The following C10orf71 variants were observed in gnomAD, a reference collection of about 807,000 sequenced individuals.
The protein encoded by C10orf71 is chromosome 10 open reading frame 71, also known as cardiac-enriched FHL2-interacting protein.
For missense variants in C10orf71, 1,869 were observed against 1,804.5 expected, an observed-to-expected ratio of 1.04 and a Z score of -0.65; for synonymous variants, 758 against 726.3, an observed-to-expected ratio of 1.04 and a Z score of -0.70.
At position 49,326,093 on chromosome 10, in the gene C10orf71, G is replaced by A. The variant is rs1849236037; in HGVS notation, c.3548G>A (p.Arg1183Gln). The change falls in exon 3 of 3, where the codon CGG becomes CAG. Residue 1183 changes from arginine (R) to glutamine (Q), a missense_variant. By Grantham distance (43) the Arg-to-Gln change is conservative. Coordinates refer to ENST00000374144, the MANE Select transcript of C10orf71 (RefSeq NM_001135196.2). ...VPPKTEKALRRAKKLASKRRK... is the reference protein window; with the variant it reads ...VPPKTEKALRQAKKLASKRRK... ...CCCAAAACAGAGAAAGCCCTGCGGC[G>A]GGCAAAGAAGCTGGCAAGTAAGAGG... 1.3e-6 allele frequency: 2 copies of A among 1,551,728 alleles called. No homozygotes were observed. Among genetic ancestry groups the A allele is most frequent in the Non-Finnish European group, 1.7e-6 (2 of 1,146,990 alleles).
intron 1 of C10orf71, among the ~76,000 whole-genome samples, chr10:49,303,553 G>C (rs1848763172): frequency 6.6e-6 from 1 of 152,172 alleles, no homozygotes; most frequent in Non-Finnish European, 1.5e-5. Flanking sequence ...GCACTGTTAA[G>C]CCAGCCCCGA....
intron 2 of C10orf71, among the ~76,000 whole-genome samples, chr10:49,317,489 C>T (rs562944981): frequency 6.6e-6 from 1 of 152,266 alleles, no homozygotes; most frequent in South Asian, 2.1e-4. Context: ...CTGTTACAGA[C>T]GTATTGTACT....
At chr10:49,297,507 A>T (rs888089078), upstream of C10orf71, among the ~76,000 whole-genome samples, 25 of 152,240 alleles carry the variant, frequency 1.6e-4, no homozygotes, top group African/African-American at 5.8e-4. Context: ...GTAAATGTTG[A>T]TACAGATGGT....
chr10:49,326,862 A>G lies in C10orf71; in HGVS notation c.*9A>G. The G allele has an allele frequency of 6.7e-7, 1 of 1,491,096 alleles. No homozygotes were observed. Among genetic ancestry groups the G allele is most frequent in the Non-Finnish European group, 9.0e-7 (1 of 1,114,538 alleles). The allele number at this position is 1,491,096 out of a possible 1,614,324, so 92.4% of individuals were successfully genotyped here. A position where few individuals can be genotyped will look rare whatever the true frequency, so the allele number is the denominator to read the frequency against. Reference sequence around the variant, plus strand: ...CAGAAGGCATTTCTTGAGTTACTGCAGGCTGTCCCCCACCCCCAGATGAAC... The same window carrying G: ...CAGAAGGCATTTCTTGAGTTACTGCGGGCTGTCCCCCACCCCCAGATGAAC... On this transcript the variant is annotated 3_prime_UTR_variant, in exon 3 of 3. Transcript: ENST00000374144.
At chr10:49,311,684 G>A (rs181610786) in intron 1 of C10orf71, among the ~76,000 whole-genome samples, 95 of 152,360 alleles carry the variant, frequency 6.2e-4, no homozygotes, top group Middle Eastern at 3.4e-3. Flanking sequence ...GAACAGAACA[G>A]AGGAGGAAGT....
chr10:49,310,653 G>C (rs1029550867), intron 1 of C10orf71, among the ~76,000 whole-genome samples: 8 of 152,156 alleles, frequency 5.3e-5, no homozygotes, highest in Admixed American at 5.2e-4. Context: ...ATGAACTACA[G>C]GGTGATGCAT....
In C10orf71 at chr10:49,326,261, C is replaced by T; in HGVS notation, c.3716C>T (p.Pro1239Leu). Residue 1239 changes from proline (P) to leucine (L), a missense_variant, in exon 3 of 3, where the codon CCC becomes CTC. Coordinates refer to ENST00000374144, the MANE Select transcript of C10orf71 (RefSeq NM_001135196.2). ...AATTTCCCCGTGGTCCGTTCCCTGC[C>T]CCCTCCCGTGCACCGCCACTCCGTG... is the stretch of plus-strand genomic sequence containing the variant. Reference protein sequence around the residue: ...RHNFPVVRSLPPPVHRHSVSG... With the variant: ...RHNFPVVRSLLPPVHRHSVSG... 1 of 1,550,212 alleles carries T rather than the reference C, an allele frequency of 6.5e-7. No individual in the cohort carries two copies. Among genetic ancestry groups the T allele is most frequent in the East Asian group, 2.4e-5 (1 of 40,894 alleles).
At chr10:49,308,743 T>C (rs976201748) in intron 1 of C10orf71, among the ~76,000 whole-genome samples, 1 of 152,178 alleles carries the variant, frequency 6.6e-6, no homozygotes, top group Admixed American at 6.5e-5. Flanking sequence ...CAATAAGTAG[T>C]TGTTGAATGG....
In C10orf71 at chr10:49,322,643, C is replaced by T. The variant is rs1408992561; in HGVS notation, c.98C>T (p.Thr33Ile). 3.1e-6 allele frequency: 5 copies of T among 1,613,418 alleles called. No individual in the cohort carries two copies. The highest frequency in any genetic ancestry group is 4.2e-6 in the Non-Finnish European group (5 of 1,179,678). The change falls in exon 3 of 3, where the codon ACA becomes ATA. Residue 33 changes from threonine (T) to isoleucine (I), a missense_variant. Coordinates refer to ENST00000374144, the MANE Select transcript of C10orf71 (RefSeq NM_001135196.2). ...GCAGACAGGGAGGTGAGCAGCCTAA[C>T]AGACCGGGCATTCCGGAGTTTGTGC... ...DDADREVSSLTDRAFRSLCIS... is the reference protein window; with the variant it reads ...DDADREVSSLIDRAFRSLCIS...
chr10:49,306,470 C>G (rs1848815636), intron 1 of C10orf71, among the ~76,000 whole-genome samples: 1 of 152,242 alleles, frequency 6.6e-6, no homozygotes, highest in Non-Finnish European at 1.5e-5. Context: ...ATGTCAGGTC[C>G]TGCCATTTCC....
Position 49,323,835 on chromosome 10 carries a change from T to C in C10orf71, c.1290T>C (p.Pro430=), listed in dbSNP as rs1255579188. The change falls in exon 3 of 3, where the codon CCT becomes CCC. Residue 430 remains proline, a synonymous_variant. Coordinates refer to ENST00000374144, the MANE Select transcript of C10orf71 (RefSeq NM_001135196.2). The stretch of plus-strand genomic sequence containing the variant: ...CAGAAAACAATGCTCTTGACCTGCC[T>C]GTGGAACCCAATGAACATTATGATC... ...QFSENNALDL[P]VEPNEHYDPP... 2.5e-6 allele frequency: 4 copies of C among 1,613,972 alleles called. No homozygotes were observed.
At chr10:49,307,741 C>G (rs771728872) in intron 1 of C10orf71, among the ~76,000 whole-genome samples, 1 of 152,196 alleles carries the variant, frequency 6.6e-6, no homozygotes, top group Admixed American at 6.5e-5. Flanking sequence ...TATTAAACAT[C>G]GCTTGGCCTG....
rs374911272 is a variant in C10orf71 at position 49,323,447 on chromosome 10, A to G, written c.902A>G (p.Lys301Arg). ...ACAGCTGGAACCGTCCCAGAAAGCA[A>G]AGCTCCCAAGCACTATGGGGACACG... ...KDTAGTVPES[K>R]APKHYGDTTL... Residue 301 changes from lysine (K) to arginine (R), a missense_variant, in exon 3 of 3, where the codon AAA becomes AGA. Transcript: ENST00000374144. The G allele has an allele frequency of 1.4e-5, 23 of 1,613,880 alleles. No individual in the cohort carries two copies. The highest frequency in any genetic ancestry group is 1.7e-6 in the Non-Finnish European group (2 of 1,179,900).
At chr10:49,297,573 G>A (rs1408558453), upstream of C10orf71, among the ~76,000 whole-genome samples, 1 of 152,192 alleles carries the variant, frequency 6.6e-6, no homozygotes, top group African/African-American at 2.4e-5. Context: ...AACATTTTGG[G>A]AAGCTTTGCA....
chr10:49,309,072 A>C (rs1380543168), intron 1 of C10orf71, among the ~76,000 whole-genome samples: 1 of 152,232 alleles, frequency 6.6e-6, no homozygotes, highest in Non-Finnish European at 1.5e-5. Flanking sequence ...TCAAGGAATA[A>C]GTGAGCACGG....
rs138877908 is a variant in C10orf71, at chr10:49,323,910, C to T, written c.1365C>T (p.His455=). 273 of 1,613,674 alleles carry T rather than the reference C, an allele frequency of 1.7e-4. No individual in the cohort carries two copies. The African/African-American group carries it at 2.3e-3, about 13-fold the overall frequency. The change falls in exon 3 of 3, where the codon CAC becomes CAT. Residue 455 remains histidine (H), a synonymous_variant. Transcript: ENST00000374144. Reference sequence around the variant, plus strand: ...TGACCCCCATCATACCCAGCAAGCACGCCCTGGATTCAGCAGACAGCCAGC... The same window carrying T: ...TGACCCCCATCATACCCAGCAAGCATGCCCTGGATTCAGCAGACAGCCAGC... The part of the protein sequence containing the change: ...KLLTPIIPSK[H]ALDSADSQPA...
intron 1 of C10orf71, among the ~76,000 whole-genome samples, chr10:49,303,845 G>A (rs1307245698): frequency 6.6e-6 from 1 of 152,218 alleles, no homozygotes; most frequent in Non-Finnish European, 1.5e-5. Context: ...GCAGGAGCCT[G>A]TTCTCCCCTT....
At chr10:49,312,464 C>G (rs960569666) in intron 1 of C10orf71, among the ~76,000 whole-genome samples, 1 of 152,128 alleles carries the variant, frequency 6.6e-6, no homozygotes, top group Non-Finnish European at 1.5e-5. Context: ...ATCCACTGAC[C>G]CTATAATTTA....
In C10orf71 at chr10:49,309,334, C is replaced by T. The variant is rs150328660; in HGVS notation, c.-247-6811C>T. Among the ~76,000 whole-genome samples, 1,177 of 152,250 alleles carry T rather than the reference C, an allele frequency of 7.7e-3. 8 individuals carry two copies. Among genetic ancestry groups the T allele is most frequent in the Non-Finnish European group, 0.011 (721 of 68,010 alleles). On this transcript the variant is annotated intron_variant, in intron 1 of 2. Coordinates refer to ENST00000374144, the MANE Select transcript of C10orf71 (RefSeq NM_001135196.2). ...ATCAGTGCCCTTATAAGAAGAGACA[C>T]AAAAGGGCTTGCTAATACATGTGCA...
Sources: gnomAD v4.1 joint callset for allele counts (sites outside exome capture counted in the v4.1 genomes callset) on GRCh38, gnomAD v4.1.1 for gene constraint, MANE v1.5 for transcripts, NCBI Gene and HGNC (gene_info 2026-07-23, HGNC 2026-07-21) for gene names.